ACKR2: variants seen among roughly 807,000 people sequenced by gnomAD.
ACKR2 encodes the protein C-C chemokine receptor D6.
For synonymous variants in ACKR2, 207 were observed against 192.2 expected (o/e 1.08, Z -0.64); for missense variants, 457 against 477.3 (o/e 0.96, Z 0.40).
intron 2 of ACKR2, among the ~76,000 whole-genome samples, chr3:42,820,954 G>A (rs1383777926): frequency 1.3e-5 from 2 of 151,426 alleles, no homozygotes; most frequent in Non-Finnish European, 2.9e-5. Flanking sequence ...GTGCGATCTC[G>A]GCTCACTGCC....
At chr3:42,835,457 C>T (rs1335799889) in intron 2 of ACKR2, 1 of 151,890 alleles carries the variant, frequency 6.6e-6, no homozygotes, top group Non-Finnish European at 1.5e-5. Context: ...AGAATCACAC[C>T]CTTTCTCCAG....
In ACKR2 at chr3:42,865,367, C is replaced by T; in HGVS notation, c.865C>T (p.His289Tyr). Residue 289 changes from histidine (H) to tyrosine (Y), a missense_variant, in exon 3 of 3, where the codon CAT becomes TAT. Transcript: ENST00000422265. ...ATTCGGGAACTGTGAGGTCAGCCAG[C>T]ATCTAGACTACGCACTCCAGGTAAC... ...QVFGNCEVSQ[H>Y]LDYALQVTES... 1 of 1,614,216 alleles carries T rather than the reference C, an allele frequency of 6.2e-7. No individual in the cohort carries two copies. The highest frequency in any genetic ancestry group is 8.5e-7 in the Non-Finnish European group (1 of 1,180,038).
Position 42,864,715 on chromosome 3 carries a change from G to A in ACKR2, c.213G>A (p.Leu71=). The change falls in exon 3 of 3, where the codon TTG becomes TTA. Residue 71 remains leucine (L), a synonymous_variant. Transcript: ENST00000422265. ...LSGNLLLLMV[L]LRYVPRRRMV... ...GGAACCTCCTTCTTCTCATGGTCTT[G>A]CTCCGTTACGTGCCTCGCAGGCGGA... 6.2e-7 allele frequency: 1 copy of A among 1,614,188 alleles called. No individual in the cohort carries two copies.
intron 2 of ACKR2, chr3:42,851,518 G>C (rs1291811402): frequency 2.4e-6 from 2 of 832,540 alleles, no homozygotes; most frequent in African/African-American, 3.7e-5. Flanking sequence ...CACAGGGAGA[G>C]ACTGAACCCA....
intron 2 of ACKR2, chr3:42,834,812 C>T (rs777228510): frequency 5.3e-5 from 8 of 151,928 alleles, no homozygotes; most frequent in South Asian, 2.1e-4. Flanking sequence ...CTCTTGACCT[C>T]GTGATCCACC....
intron 1 of ACKR2, among the ~76,000 whole-genome samples, chr3:42,810,492 T>A (rs899999947): frequency 1.3e-5 from 2 of 152,036 alleles, no homozygotes; most frequent in Non-Finnish European, 2.9e-5. Context: ...CCACGTTTTA[T>A]CAATACCAAC....
At chr3:42,816,189 C>T (rs958834120) in intron 1 of ACKR2, among the ~76,000 whole-genome samples, 6 of 145,858 alleles carry the variant, frequency 4.1e-5, no homozygotes, top group East Asian at 2.0e-4. Context: ...TTGATAGTTT[C>T]GTGTGTGTGT....
intron 2 of ACKR2, among the ~76,000 whole-genome samples, chr3:42,855,843 G>T (rs1242415888): frequency 6.6e-6 from 1 of 152,202 alleles, no homozygotes; most frequent in Admixed American, 6.5e-5. Context: ...AGCAGGTTCT[G>T]CTGACTCTGA....
Position 42,865,584 on chromosome 3 carries a change from G to T in ACKR2, c.1082G>T (p.Gly361Val), listed in dbSNP as rs142197709. 285 of 1,614,148 alleles carry T rather than the reference G, an allele frequency of 1.8e-4. No homozygotes were observed. The highest frequency in any genetic ancestry group is 4.0e-4 in the Admixed American group (24 of 60,012). The change falls in exon 3 of 3, where the codon GGC (glycine) becomes GTC (valine). Residue 361 changes from glycine to valine, a missense_variant. Gly to Val is a moderately radical substitution (Grantham distance 109). Transcript: ENST00000422265. The part of the protein sequence containing the change: ...SILTAQEEMT[G>V]MNDLGERQSE... ...CTTACTGCCCAAGAGGAAATGACTGGCATGAATGACCTTGGAGAGAGGCAG... is the reference window on the plus strand; with the variant it reads ...CTTACTGCCCAAGAGGAAATGACTGTCATGAATGACCTTGGAGAGAGGCAG...
chr3:42,820,592 C>CA (rs749184218), intron 2 of ACKR2, among the ~76,000 whole-genome samples: 2,006 of 69,588 alleles, frequency 0.029, 34 homozygotes, highest in African/African-American at 0.083. Flanking sequence ...GACTCTGTCT[C>CA]AAAAAAAAAA....
rs113371609 is a variant in ACKR2 at position 42,825,577 on chromosome 3, A to ATGTGTG, written c.-38+5885_-38+5890dup. On this transcript the variant is annotated intron_variant, in intron 2 of 2. Coordinates refer to ENST00000422265, the MANE Select transcript of ACKR2 (RefSeq NM_001296.5). ...TTGCTGAGATAACTTGTTAGCTCTG[A>ATGTGTG]TGTGTGTGTGTGTGTGTGTGTGTGC... Among the ~76,000 whole-genome samples the ATGTGTG allele has an allele frequency of 7.2e-3, 1,076 of 148,790 alleles. 9 individuals are homozygous for ATGTGTG. The highest frequency in any genetic ancestry group is 0.022 in the African/African-American group (876 of 40,698).
At chr3:42,824,549 A>G (rs965619354) in intron 2 of ACKR2, among the ~76,000 whole-genome samples, 7 of 152,266 alleles carry the variant, frequency 4.6e-5, no homozygotes, top group African/African-American at 1.7e-4. Flanking sequence ...TATTTTGGGT[A>G]TTTGCCTATT....
At chr3:42,811,024 A>C (rs187211054) in intron 1 of ACKR2, among the ~76,000 whole-genome samples, 88 of 152,242 alleles carry the variant, frequency 5.8e-4, no homozygotes, top group African/African-American at 2.1e-3. Flanking sequence ...TAACTTTTGT[A>C]TATTTAGTAG....
chr3:42,825,586 T>TGTGTGTGTGTGTGTGTGC (rs1232130240), intron 2 of ACKR2, among the ~76,000 whole-genome samples: 1 of 150,990 alleles, frequency 6.6e-6, no homozygotes, highest in Non-Finnish European at 1.5e-5. Flanking sequence ...GATGTGTGTG[T>TGTGTGTGTGTGTGTGTGC]GTGTGTGTGT....
chr3:42,825,839 T>C (rs1700857155), intron 2 of ACKR2, among the ~76,000 whole-genome samples: 1 of 148,770 alleles, frequency 6.7e-6, no homozygotes, highest in Non-Finnish European at 1.5e-5. Flanking sequence ...TTAAGTGTGA[T>C]GTTAGCTCTG....
At chr3:42,809,692 T>C (rs1417870705) in intron 1 of ACKR2, among the ~76,000 whole-genome samples, 160 bp downstream of exon 1, 1 of 151,932 alleles carries the variant, frequency 6.6e-6, no homozygotes, top group African/African-American at 2.4e-5. Flanking sequence ...TGATACCCCA[T>C]CTCTACTAAA....
At chr3:42,817,102 T>C (rs1434596000) in intron 1 of ACKR2, among the ~76,000 whole-genome samples, 1 of 152,192 alleles carries the variant, frequency 6.6e-6, no homozygotes, top group African/African-American at 2.4e-5. Context: ...ATATGCCTTA[T>C]AGGATAGCAT....
At chr3:42,824,165 C>A (rs1288094500) in intron 2 of ACKR2, among the ~76,000 whole-genome samples, 6 of 152,148 alleles carry the variant, frequency 3.9e-5, no homozygotes, top group Admixed American at 2.6e-4. Context: ...CAAAACACTT[C>A]TGGTGCCAAG....
chr3:42,865,327 G>T lies in ACKR2; in HGVS notation c.825G>T (p.Leu275=), dbSNP rs2088424915. 5.0e-6 allele frequency: 8 copies of T among 1,614,184 alleles called. No individual in the cohort carries two copies. The highest frequency in any genetic ancestry group is 6.8e-6 in the Non-Finnish European group (8 of 1,180,038). The part of the protein sequence containing the change: ...PYNLTLFLHT[L]LDLQVFGNCE... ...ATCTCACCTTGTTTCTGCATACGCT[G>T]TTGGACCTGCAAGTATTCGGGAACT... The change falls in exon 3 of 3, where the codon CTG becomes CTT. Residue 275 remains leucine (L), a synonymous_variant. Coordinates refer to ENST00000422265, the MANE Select transcript of ACKR2 (RefSeq NM_001296.5).
Sources: gnomAD v4.1 joint callset for allele counts (sites outside exome capture counted in the v4.1 genomes callset) on GRCh38, gnomAD v4.1.1 for gene constraint, MANE v1.5 for transcripts, NCBI Gene and HGNC (gene_info 2026-07-23, HGNC 2026-07-21) for gene names.